The following LAMA1 variants were observed in gnomAD, a reference collection of about 807,000 sequenced individuals.
LAMA1 encodes laminin subunit alpha 1, also known as laminin subunit alpha-1.
A neutral mutation model predicts 348.7 loss-of-function variants in LAMA1; 219 were observed. The observed-to-expected ratio is 0.63, with a 90% CI of 0.56 to 0.70. The LOEUF is 0.70. Ranked by LOEUF, LAMA1 falls within the 30% of genes least tolerant of loss-of-function variation. The pLI, the probability that LAMA1 is intolerant of heterozygous loss-of-function variation, is 0.00. For missense variants in LAMA1, 3,744 were observed against 3,888.0 expected (o/e 0.96, Z 0.99); for synonymous variants, 1,487 against 1,491.0 (o/e 1.00, Z 0.06).
intron 6 of LAMA1, among the ~76,000 whole-genome samples, chr18:7,046,028 A>G (rs1280990517): frequency 1.3e-5 from 2 of 152,072 alleles, no homozygotes; most frequent in African/African-American, 4.8e-5. Flanking sequence ...ACACTTTCAA[A>G]TGGTAAACTT....
intron 1 of LAMA1, among the ~76,000 whole-genome samples, chr18:7,112,241 T>C (rs933286972): frequency 6.6e-6 from 1 of 152,124 alleles, no homozygotes; most frequent in African/African-American, 2.4e-5. Context: ...GAAGGACAAG[T>C]TGCAAGGTGA....
chr18:7,007,141 G>C lies in LAMA1; in HGVS notation c.4258C>G (p.Leu1420Val). 2 of 1,613,990 alleles carry C rather than the reference G, an allele frequency of 1.2e-6. No homozygotes were observed. The highest frequency in any genetic ancestry group is 2.2e-5 in the South Asian group (2 of 90,992). ...AGCACCCCCACAAACCAGCATACCAGACACTTCCCGGTGTTGGGGTCACAG... is the reference window on the plus strand; with the variant it reads ...AGCACCCCCACAAACCAGCATACCACACACTTCCCGGTGTTGGGGTCACAG... The part of the protein sequence containing the change: ...DTCDPNTGKC[L>V]NCGDNTAGDH... The change falls in exon 29 of 63, where the codon CTG becomes GTG. Residue 1420 changes from leucine (L) to valine (V), a missense_variant and splice_region_variant. Leu to Val is a conservative substitution (Grantham distance 32). Transcript: ENST00000389658.
chr18:7,081,629 G>A (rs1376256391), intron 1 of LAMA1, among the ~76,000 whole-genome samples: 1 of 152,174 alleles, frequency 6.6e-6, no homozygotes, highest in Non-Finnish European at 1.5e-5. Flanking sequence ...TGTGAGAAAA[G>A]TACCTCCATT....
chr18:7,098,380 C>T (rs1209612259), intron 1 of LAMA1, among the ~76,000 whole-genome samples: 1 of 151,602 alleles, frequency 6.6e-6, no homozygotes, highest in Non-Finnish European at 1.5e-5. Flanking sequence ...CTCCGCCCGG[C>T]CGCCATCCCA....
At chr18:6,945,699 C>T (rs578090209) in intron 61 of LAMA1, among the ~76,000 whole-genome samples, 7 of 152,082 alleles carry the variant, frequency 4.6e-5, no homozygotes, top group Non-Finnish European at 2.9e-5. Flanking sequence ...CACGGGGAAG[C>T]GGGAAGATGA....
intron 17 of LAMA1, 95 bp downstream of exon 17, chr18:7,025,884 T>G (rs2057940405): frequency 6.7e-7 from 1 of 1,503,082 alleles, no homozygotes; most frequent in Non-Finnish European, 9.1e-7. Context: ...CACACACGTA[T>G]TACACACACA....
chr18:6,989,856 G>A (rs1198434668), intron 36 of LAMA1, among the ~76,000 whole-genome samples: 1 of 152,140 alleles, frequency 6.6e-6, no homozygotes, highest in Non-Finnish European at 1.5e-5. Context: ...TTGCTGGGGA[G>A]CTTGTTAAGG....
chr18:7,019,304 C>T (rs998735973), intron 19 of LAMA1, among the ~76,000 whole-genome samples: 2 of 152,118 alleles, frequency 1.3e-5, no homozygotes, highest in Non-Finnish European at 2.9e-5. Context: ...CCTTTTGCAT[C>T]GCCCTCTTCC....
chr18:7,021,060 C>T (rs898883674), intron 19 of LAMA1, among the ~76,000 whole-genome samples: 3 of 152,168 alleles, frequency 2.0e-5, no homozygotes, highest in Non-Finnish European at 4.4e-5. Flanking sequence ...ATTCTGGTCA[C>T]TCTCTCTCCA....
chr18:7,035,063 T>C (rs1195694858), intron 13 of LAMA1, among the ~76,000 whole-genome samples: 1 of 152,234 alleles, frequency 6.6e-6, no homozygotes, highest in Non-Finnish European at 1.5e-5. Flanking sequence ...CAAGTTGCTG[T>C]TCACAAAAGT....
intron 1 of LAMA1, among the ~76,000 whole-genome samples, chr18:7,082,905 C>G (rs2058198562): frequency 7.0e-6 from 1 of 142,512 alleles, no homozygotes; most frequent in Non-Finnish European, 1.5e-5. Context: ...TTATTCACCC[C>G]CACCAGTTGC....
chr18:6,959,438 C>G lies in LAMA1; in HGVS notation c.7681G>C (p.Gly2561Arg), dbSNP rs1380708448. Reference protein sequence around the residue: ...GGNIEVHVNPGDGTGLRKALL... With the variant: ...GGNIEVHVNPRDGTGLRKALL... ...GCTTTTCTCAGGCCTGTCCCATCCC[C>G]AGGATTGACATGTACCTCAATGTTG... is the stretch of plus-strand genomic sequence containing the variant. Residue 2561 changes from glycine to arginine, a missense_variant, in exon 54 of 63, where the codon GGG becomes CGG. Physicochemically the swap from Gly to Arg is moderately radical, Grantham distance 125 (BLOSUM62 -2). Transcript: ENST00000389658. 1.2e-6 allele frequency: 2 copies of G among 1,614,082 alleles called. No homozygotes were observed. The highest frequency in any genetic ancestry group is 2.7e-5 in the African/African-American group (2 of 74,934).
chr18:7,091,650 G>A (rs2058240183), intron 1 of LAMA1, among the ~76,000 whole-genome samples: 2 of 152,180 alleles, frequency 1.3e-5, no homozygotes, highest in African/African-American at 4.8e-5. Flanking sequence ...ATGTGCTGAG[G>A]ACCATTTCAT....
chr18:6,973,325 C>G (rs1045609342), intron 46 of LAMA1, 118 bp from the exon 47 acceptor site: 62 of 866,138 alleles, frequency 7.2e-5, no homozygotes, highest in South Asian at 7.1e-4. Context: ...AACAGCACCC[C>G]CCTGCTGGCC....
intron 1 of LAMA1, among the ~76,000 whole-genome samples, chr18:7,107,803 A>T (rs1488521180): frequency 6.6e-6 from 1 of 151,866 alleles, no homozygotes; most frequent in East Asian, 2.0e-4. Context: ...TCACGAGGTC[A>T]GGAGATTGAG....
intron 41 of LAMA1, among the ~76,000 whole-genome samples, 155 bp downstream of exon 41, chr18:6,982,342 T>G (rs1600370524): frequency 6.6e-6 from 1 of 152,274 alleles, no homozygotes; most frequent in East Asian, 1.9e-4. Context: ...GTTTATACGA[T>G]AGGAAAATTT....
chr18:7,005,257 G>A (rs2057827026), intron 29 of LAMA1, among the ~76,000 whole-genome samples: 1 of 152,156 alleles, frequency 6.6e-6, no homozygotes, highest in East Asian at 1.9e-4. Flanking sequence ...TGAATAATCT[G>A]AACTCATGGT....
rs536850193 is a variant in LAMA1, at chr18:6,972,837, T to G, written c.6774+220A>C. Among the ~76,000 whole-genome samples the G allele has an allele frequency of 9.9e-5, 15 of 152,268 alleles. No homozygotes were observed. The East Asian group carries it at 2.9e-3, about 29-fold the overall frequency. On this transcript the variant is annotated intron_variant, in intron 47 of 62. Coordinates refer to ENST00000389658, the MANE Select transcript of LAMA1 (RefSeq NM_005559.4). ...CCCTGAGTAGCTGGGATTACAGGCA[T>G]GTGCCACCACACCCGGCTAATTTTG...
At chr18:7,097,883 C>G (rs987974289) in intron 1 of LAMA1, among the ~76,000 whole-genome samples, 3 of 151,238 alleles carry the variant, frequency 2.0e-5, no homozygotes, top group Admixed American at 2.0e-4. Context: ...CTCTCCCTCT[C>G]TTTCCACGGT....
Sources: gnomAD v4.1 joint callset for allele counts (sites outside exome capture counted in the v4.1 genomes callset) on GRCh38, gnomAD v4.1.1 for gene constraint, MANE v1.5 for transcripts, NCBI Gene and HGNC (gene_info 2026-07-23, HGNC 2026-07-21) for gene names.